SUMF1: variants seen among roughly 807,000 people sequenced by gnomAD.
The protein encoded by SUMF1 is formylglycine-generating enzyme.
SUMF1 carries 48 observed loss-of-function variants against 47.6 expected under a neutral mutation model. That is an observed-to-expected ratio of 1.01 (90% confidence interval 0.80 to 1.28). The LOEUF is 1.28. Among genes scored for constraint, SUMF1 ranks in the 50% most tolerant of loss-of-function variants. SUMF1 has a pLI of 0.00. For synonymous variants in SUMF1, 230 were observed against 192.1 expected (o/e 1.20, Z -1.63); for missense variants, 571 against 485.4 (o/e 1.18, Z -1.66).
At chr3:4,036,529 T>C (rs1559416652) in intron 9 of SUMF1, among the ~76,000 whole-genome samples, 1 of 151,694 alleles carries the variant, frequency 6.6e-6, no homozygotes, top group East Asian at 1.9e-4. Context: ...ACTCTTCCCA[T>C]AGGCCTGAGT....
At chr3:4,344,109 C>T (rs1699325232) in intron 8 of SUMF1, among the ~76,000 whole-genome samples, 1 of 152,240 alleles carries the variant, frequency 6.6e-6, no homozygotes, top group South Asian at 2.1e-4. Context: ...CATTCTGAGG[C>T]TCCCATAGAA....
intron 8 of SUMF1, among the ~76,000 whole-genome samples, chr3:4,249,790 C>T (rs868575147): frequency 2.0e-5 from 3 of 152,182 alleles, no homozygotes; most frequent in East Asian, 3.8e-4. Flanking sequence ...AAAGCTAGGC[C>T]TCTTGTACCA....
At chr3:4,037,528 T>C (rs1276221368) in intron 9 of SUMF1, among the ~76,000 whole-genome samples, 2 of 152,216 alleles carry the variant, frequency 1.3e-5, no homozygotes, top group African/African-American at 2.4e-5. Flanking sequence ...TTTTTTATAC[T>C]GGCATTTTCA....
intron 8 of SUMF1, among the ~76,000 whole-genome samples, chr3:4,137,350 T>C (rs953904251): frequency 6.6e-6 from 1 of 152,026 alleles, no homozygotes; most frequent in Non-Finnish European, 1.5e-5. Flanking sequence ...GAAACCATCA[T>C]TCTCAGCAAA....
At chr3:4,460,599 AGTGT>A (rs144375913) in intron 1 of SUMF1, among the ~76,000 whole-genome samples, 3,166 of 143,582 alleles carry the variant, frequency 0.022, 94 homozygotes, top group African/African-American at 0.07. Context: ...TCACACACAC[AGTGT>A]GTGTGTGTGT....
chr3:4,124,137 A>T (rs1415931620), intron 8 of SUMF1, among the ~76,000 whole-genome samples: 8 of 152,184 alleles, frequency 5.3e-5, no homozygotes, highest in Non-Finnish European at 2.9e-5. Flanking sequence ...TCTTTCCAAA[A>T]AATAAAAATC....
chr3:4,078,258 G>T (rs1381749965), intron 8 of SUMF1, among the ~76,000 whole-genome samples: 1 of 152,080 alleles, frequency 6.6e-6, no homozygotes, highest in Non-Finnish European at 1.5e-5. Flanking sequence ...AATGGGGCTG[G>T]CTTTCCAGAC....
At chr3:4,282,014 G>A (rs1264762617) in intron 8 of SUMF1, among the ~76,000 whole-genome samples, 1 of 152,132 alleles carries the variant, frequency 6.6e-6, no homozygotes, top group Non-Finnish European at 1.5e-5. Context: ...TAAGTCTTTT[G>A]GTAAAAACTT....
At chr3:4,133,383 G>A (rs1392971439) in intron 8 of SUMF1, among the ~76,000 whole-genome samples, 1 of 152,134 alleles carries the variant, frequency 6.6e-6, no homozygotes, top group African/African-American at 2.4e-5. Flanking sequence ...CTCAGGAGAT[G>A]TGTATGGGTT....
chr3:4,144,751 G>T (rs1385958181), intron 8 of SUMF1, among the ~76,000 whole-genome samples: 1 of 151,946 alleles, frequency 6.6e-6, no homozygotes, highest in Non-Finnish European at 1.5e-5. Flanking sequence ...TTACCATTAG[G>T]TTTCACGTAA....
At chr3:4,321,208 T>C (rs1698822961) in intron 8 of SUMF1, among the ~76,000 whole-genome samples, 2 of 152,074 alleles carry the variant, frequency 1.3e-5, no homozygotes, top group Non-Finnish European at 2.9e-5. Flanking sequence ...AGGTTACATA[T>C]AGAAATATTT....
intron 8 of SUMF1, chr3:4,317,256 G>GT: frequency 6.6e-7 from 1 of 1,506,020 alleles, no homozygotes. Flanking sequence ...ATAAAAATGC[G>GT]TTGAGCCTAG....
intron 8 of SUMF1, among the ~76,000 whole-genome samples, chr3:4,138,574 G>C (rs1693999253): frequency 6.6e-6 from 1 of 152,064 alleles, no homozygotes; most frequent in Non-Finnish European, 1.5e-5. Flanking sequence ...CCAAAGCTCA[G>C]TGAGCTTCCC....
intron 9 of SUMF1, among the ~76,000 whole-genome samples, chr3:4,039,845 A>G (rs1694878936): frequency 6.6e-6 from 1 of 152,020 alleles, no homozygotes; most frequent in Non-Finnish European, 1.5e-5. Context: ...ATACAGTGAG[A>G]CCTAGTTTCT....
chr3:4,460,481 C>T (rs9875154), intron 1 of SUMF1, among the ~76,000 whole-genome samples: 16,156 of 151,734 alleles, frequency 0.11, 966 homozygotes, highest in East Asian at 0.22. Context: ...TGTCTTTCAC[C>T]CGCATTTCCA....
At chr3:4,448,538 G>C (rs1319256205) in intron 3 of SUMF1, among the ~76,000 whole-genome samples, 2 of 151,970 alleles carry the variant, frequency 1.3e-5, no homozygotes, top group African/African-American at 4.8e-5. Flanking sequence ...CAACTTCCCA[G>C]CTTACCCTCA....
intron 9 of SUMF1, among the ~76,000 whole-genome samples, chr3:4,053,623 C>A (rs1441786921): frequency 6.6e-6 from 1 of 152,126 alleles, no homozygotes; most frequent in Non-Finnish European, 1.5e-5. Context: ...AATCTTTTCT[C>A]CCCCTAAAGA....
chr3:4,044,374 C>T (rs944608600), intron 9 of SUMF1, among the ~76,000 whole-genome samples: 19 of 152,280 alleles, frequency 1.2e-4, no homozygotes, highest in Admixed American at 1.2e-3. Context: ...ACTTTCCAAA[C>T]CACATTAGTC....
chr3:4,312,485 A>G (rs1333375125), intron 8 of SUMF1, among the ~76,000 whole-genome samples: 2 of 152,116 alleles, frequency 1.3e-5, no homozygotes, highest in Non-Finnish European at 2.9e-5. Flanking sequence ...ACATACTATT[A>G]TATACATTAA....
Sources: allele counts gnomAD v4.1 joint callset (sites outside exome capture counted in the v4.1 genomes callset), GRCh38; gene constraint gnomAD v4.1.1; transcripts MANE v1.5; gene names NCBI Gene and HGNC (gene_info 2026-07-23, HGNC 2026-07-21).